The following CR2 variants were observed in gnomAD, a reference collection of about 807,000 sequenced individuals.
The protein encoded by CR2 is complement receptor type 2.
Under a neutral mutation model 123.0 loss-of-function variants are expected in CR2, and 96 were observed. That is an observed-to-expected ratio of 0.78 (90% CI 0.66 to 0.93). CR2 has a LOEUF of 0.93. Among genes scored for constraint, CR2 ranks in the 40% least tolerant of loss-of-function variants. CR2 has a pLI of 0.00. For missense variants in CR2, 1,258 were observed against 1,361.0 expected (o/e 0.92, Z 1.19); for synonymous variants, 484 against 469.5 (o/e 1.03, Z -0.40).
At chr1:207,466,049 A>T (rs1337200778) in intron 1 of CR2, among the ~76,000 whole-genome samples, 1 of 152,186 alleles carries the variant, frequency 6.6e-6, no homozygotes, top group Non-Finnish European at 1.5e-5. Flanking sequence ...ATACCTTATG[A>T]AGTAGTTTGC....
At chr1:207,464,357 C>G (rs1222239575) in intron 1 of CR2, among the ~76,000 whole-genome samples, 2 of 152,224 alleles carry the variant, frequency 1.3e-5, no homozygotes, top group African/African-American at 4.8e-5. Context: ...ATAATATTCT[C>G]TCTTTCCCCA....
chr1:207,456,234 C>CT (rs897497544), intron 1 of CR2, among the ~76,000 whole-genome samples: 1 of 152,212 alleles, frequency 6.6e-6, no homozygotes, highest in African/African-American at 2.4e-5. Flanking sequence ...TGCTCATGGT[C>CT]TTCCCCACCT....
rs773918070 is a variant in CR2, at chr1:207,469,973, A to G, written c.1096A>G (p.Lys366Glu). Residue 366 changes from lysine (K) to glutamate (E), a missense_variant, in exon 6 of 20, where the codon AAA (lysine) becomes GAA (glutamate). Transcript: ENST00000367057. ...ILRGRMVSGQ[K>E]DRYTYNDTVI... ...AAGAGGCCGAATGGTATCTGGGCAGAAAGATCGATATACCTATAACGACAC... is the reference window on the plus strand; with the variant it reads ...AAGAGGCCGAATGGTATCTGGGCAGGAAGATCGATATACCTATAACGACAC... 3 of 1,613,986 alleles carry G rather than the reference A, an allele frequency of 1.9e-6. No individual in the cohort carries two copies. In the East Asian group the frequency reaches 6.7e-5, roughly 36 times the overall value.
At chr1:207,458,067 C>CACACACACACACACACACACACAT (rs1558186045) in intron 1 of CR2, among the ~76,000 whole-genome samples, 6 of 146,352 alleles carry the variant, frequency 4.1e-5, no homozygotes, top group African/African-American at 1.6e-4. Flanking sequence ...ACAACACACA[C>CACACACACACACACACACACACAT]ACACACACAC....
At chr1:207,472,623 TTAATGAG>T (rs1658312392) in intron 9 of CR2, 142 bp from the exon 10 acceptor site, 1 of 746,178 alleles carries the variant, frequency 1.3e-6, no homozygotes, top group Non-Finnish European at 2.2e-6. Flanking sequence ...TTTTACATAC[TTAATGAG>T]CTTTCACACA....
chr1:207,474,679 A>T, intron 13 of CR2, 145 bp from the exon 14 acceptor site: 1 of 897,736 alleles, frequency 1.1e-6, no homozygotes, highest in Non-Finnish European at 1.7e-6. Context: ...CTGTTTTTAA[A>T]AAAAGCATAA....
intron 17 of CR2, 61 bp downstream of exon 17, chr1:207,479,341 C>T: frequency 8.6e-7 from 1 of 1,162,150 alleles, no homozygotes. Flanking sequence ...ATATGTAATG[C>T]TAGAGGTCCT....
intron 18 of CR2, among the ~76,000 whole-genome samples, chr1:207,484,106 A>T (rs963198072): frequency 2.0e-5 from 3 of 152,232 alleles, no homozygotes; most frequent in African/African-American, 7.2e-5. Flanking sequence ...ATACATAGAA[A>T]ATACAGTCTC....
chr1:207,483,358 A>G (rs1263946045), intron 18 of CR2, among the ~76,000 whole-genome samples: 1 of 152,164 alleles, frequency 6.6e-6, no homozygotes, highest in Non-Finnish European at 1.5e-5. Flanking sequence ...GAGGGTATCT[A>G]CGAACCTGGG....
chr1:207,470,077 G>A lies in CR2; in HGVS notation c.1200G>A (p.Glu400=). The stretch of plus-strand genomic sequence containing the variant: ...GATGCAATGCCCAAGGCACATGGGA[G>A]CCATCTGCACCAGTCTGTGAAAAGG... ...QIRCNAQGTW[E]PSAPVCEKEC... Residue 400 remains glutamate, a synonymous_variant, in exon 6 of 20, where the codon GAG becomes GAA. Transcript: ENST00000367057. 3 of 1,613,798 alleles carry A rather than the reference G, an allele frequency of 1.9e-6. No homozygotes were observed. Among genetic ancestry groups the A allele is most frequent in the Non-Finnish European group, 2.5e-6 (3 of 1,179,874 alleles).
In CR2 at chr1:207,475,103, A is replaced by G. The variant is rs754753145; in HGVS notation, c.2603A>G (p.Asn868Ser). The G allele has an allele frequency of 6.2e-6, 10 of 1,612,606 alleles. No homozygotes were observed. Among genetic ancestry groups the G allele is most frequent in the Non-Finnish European group, 7.6e-6 (9 of 1,179,112 alleles). The change falls in exon 14 of 20, where the codon AAT (asparagine) becomes AGT (serine). Residue 868 changes from asparagine (N) to serine (S), a missense_variant. Transcript: ENST00000367057. ...AAAACACATTCTGCATATTCCCACAATGACATAGTGTATGTTGACTGCAAT... is the reference window on the plus strand; with the variant it reads ...AAAACACATTCTGCATATTCCCACAGTGACATAGTGTATGTTGACTGCAAT... ...LNKTHSAYSH[N>S]DIVYVDCNPG...
At position 207,455,567 on chromosome 1, in the gene CR2, A is replaced by C. The variant is rs1318808343; in HGVS notation, c.58+1091A>C. Among the ~76,000 whole-genome samples the C allele has an allele frequency of 5.9e-5, 9 of 152,356 alleles. No individual in the cohort carries two copies. The East Asian group carries it at 1.7e-3, about 29-fold the overall frequency. On this transcript the variant is annotated intron_variant, in intron 1 of 19. Transcript: ENST00000367057. ...CAGCTTATTGAGGTGTCTGGAATAC[A>C]GCACATATTAGTTTATTACAACTTT...
Position 207,470,092 on chromosome 1 carries a change from C to A in CR2, c.1215C>A (p.Val405=). ...AQGTWEPSAP[V]CEKECQAPPN... ...GCACATGGGAGCCATCTGCACCAGTCTGTGAAAAGGGTGAGTGTTCCGGTA... is the reference window on the plus strand; with the variant it reads ...GCACATGGGAGCCATCTGCACCAGTATGTGAAAAGGGTGAGTGTTCCGGTA... Residue 405 remains valine (V), a synonymous_variant, in exon 6 of 20, where the codon GTC becomes GTA. Coordinates refer to ENST00000367057, the MANE Select transcript of CR2 (RefSeq NM_001006658.3). The A allele has an allele frequency of 6.2e-7, 1 of 1,613,628 alleles. No homozygotes were observed. Among genetic ancestry groups the A allele is most frequent in the South Asian group, 1.1e-5 (1 of 91,040 alleles).
intron 1 of CR2, among the ~76,000 whole-genome samples, chr1:207,464,162 C>G (rs751870144): frequency 2.0e-5 from 3 of 152,114 alleles, no homozygotes; most frequent in Non-Finnish European, 4.4e-5. Flanking sequence ...TGGTCTGGGG[C>G]GGGGACTGGT....
chr1:207,465,079 C>T (rs959683860), intron 1 of CR2, among the ~76,000 whole-genome samples: 1 of 152,068 alleles, frequency 6.6e-6, no homozygotes, highest in East Asian at 1.9e-4. Context: ...TACAGGCATC[C>T]AACATCATGC....
At chr1:207,479,846 T>G in intron 17 of CR2, 132 bp from the exon 18 acceptor site, 1 of 715,968 alleles carries the variant, frequency 1.4e-6, no homozygotes, top group African/African-American at 1.7e-5. Context: ...GAATTCAGCA[T>G]TTATGTCCAA....
In CR2 at chr1:207,479,340, G is replaced by A. The variant is rs917138125; in HGVS notation, c.3112+60G>A. ...ATAATATTTTTTAAAAATATGTAAT[G>A]CTAGAGGTCCTATATCCTATCTGAT... On this transcript the variant is annotated intron_variant, in intron 17 of 19. Coordinates refer to ENST00000367057, the MANE Select transcript of CR2 (RefSeq NM_001006658.3). 1.2e-5 allele frequency: 14 copies of A among 1,201,090 alleles called. No homozygotes were observed. The African/African-American group carries it at 2.1e-4, about 18-fold the overall frequency. 74.4% of individuals were successfully genotyped at this position (1,201,090 alleles called of 1,614,324 possible). A position where few individuals can be genotyped will look rare whatever the true frequency, so the allele number is the denominator to read the frequency against.
rs368883636 is a variant in CR2, at chr1:207,468,893, A to G, written c.728A>G (p.Asp243Gly). Residue 243 changes from aspartate to glycine, a missense_variant, in exon 4 of 20, where the codon GAT (aspartate) becomes GGT (glycine). Transcript: ENST00000367057. ...RVGVTANFFC[D>G]EGYRLQGPPS... is the part of the protein sequence containing the mutation. ...GGTGTAACTGCAAACTTTTTCTGTG[A>G]TGAAGGGTGAGTGTCAGGATTATTT... The G allele has an allele frequency of 1.2e-6, 2 of 1,613,596 alleles. No homozygotes were observed. The highest frequency in any genetic ancestry group is 1.7e-6 in the Non-Finnish European group (2 of 1,179,632).
At chr1:207,485,200 TA>T (rs1434871660) in intron 18 of CR2, among the ~76,000 whole-genome samples, 1 of 152,100 alleles carries the variant, frequency 6.6e-6, no homozygotes, top group African/African-American at 2.4e-5. Context: ...GGTTGGGGGT[TA>T]GGGGAGGGAT....
Sources: allele counts gnomAD v4.1 joint callset (sites outside exome capture counted in the v4.1 genomes callset), GRCh38; gene constraint gnomAD v4.1.1; transcripts MANE v1.5; gene names NCBI Gene and HGNC (gene_info 2026-07-23, HGNC 2026-07-21).